The following SND1 variants were observed in gnomAD, a reference collection of about 807,000 sequenced individuals.
SND1 encodes staphylococcal nuclease domain-containing protein 1.
Under a neutral mutation model 121.7 loss-of-function variants are expected in SND1, and 38 were observed. That is an observed-to-expected ratio of 0.31 (90% CI 0.24 to 0.41). The LOEUF (loss-of-function observed/expected upper bound fraction) is 0.41. SND1 is among the 10% of genes least tolerant of loss of function. The pLI is 1.00. For synonymous variants in SND1, 401 were observed against 447.4 expected, an observed-to-expected ratio of 0.90 and a Z score of 1.31; for missense variants, 868 against 1,184.6, an observed-to-expected ratio of 0.73 and a Z score of 3.92.
At chr7:127,684,375 A>C (rs1024072941) in intron 1 of SND1, among the ~76,000 whole-genome samples, 11 of 152,196 alleles carry the variant, frequency 7.2e-5, no homozygotes, top group African/African-American at 2.4e-4. Context: ...TGTGTGCTGT[A>C]TGTAGTTTGG....
intron 12 of SND1, among the ~76,000 whole-genome samples, chr7:127,848,264 C>T (rs918560068): frequency 2.6e-5 from 4 of 152,212 alleles, no homozygotes; most frequent in African/African-American, 9.7e-5. Context: ...TTAGTAAATA[C>T]ACACTCTTTG....
chr7:127,662,115 CA>C (rs769293226), intron 1 of SND1, among the ~76,000 whole-genome samples: 71 of 145,284 alleles, frequency 4.9e-4, no homozygotes, highest in East Asian at 6.0e-4. Context: ...GACACAGTCT[CA>C]AAAAAAAAAA....
intron 1 of SND1, among the ~76,000 whole-genome samples, chr7:127,660,231 TG>T (rs1214226680): frequency 6.6e-6 from 1 of 152,088 alleles, no homozygotes; most frequent in Non-Finnish European, 1.5e-5. Flanking sequence ...ATGGTTCTAG[TG>T]GGTTTTATTC....
At chr7:127,702,700 ATTAT>A (rs1365778235) in intron 6 of SND1, among the ~76,000 whole-genome samples, 174 bp downstream of exon 6, 1 of 152,154 alleles carries the variant, frequency 6.6e-6, no homozygotes, top group African/African-American at 2.4e-5. Context: ...ATTGGATCAA[ATTAT>A]TTATTTATTT....
At chr7:128,055,055 T>C (rs901081004) in intron 16 of SND1, among the ~76,000 whole-genome samples, 6 of 152,194 alleles carry the variant, frequency 3.9e-5, no homozygotes, top group African/African-American at 1.4e-4. Context: ...AATTTCCACA[T>C]CTCCAGGGCA....
Position 127,721,295 on chromosome 7 carries a change from G to C in SND1, c.1047G>C (p.Gln349His), listed in dbSNP as rs1416675834. 1 of 1,613,370 alleles carries C rather than the reference G, an allele frequency of 6.2e-7. No homozygotes were observed. Among genetic ancestry groups the C allele is most frequent in the Non-Finnish European group, 8.5e-7 (1 of 1,179,492 alleles). ...KDKQFVAKVM[Q>H]VLNADAIVVK... ...TTCCTTTTTGCTCACAGGTGATGCA[G>C]GTTCTGAATGCTGATGCCATTGTTG... Residue 349 changes from glutamine (Q) to histidine (H), a missense_variant, in exon 10 of 24, where the codon CAG (glutamine) becomes CAC (histidine). Physicochemically the swap from Gln to His is conservative, Grantham distance 24. This residue lies in a region of SND1 where 743 missense variants were observed against 1,071.3 expected (regional missense o/e 0.69). Coordinates refer to ENST00000354725, the MANE Select transcript of SND1 (RefSeq NM_014390.4).
intron 12 of SND1, among the ~76,000 whole-genome samples, chr7:127,848,448 C>A (rs1799107212): frequency 6.6e-6 from 1 of 152,180 alleles, no homozygotes; most frequent in Non-Finnish European, 1.5e-5. Context: ...GTACCCTATG[C>A]TGAGGACATA....
At chr7:128,050,236 A>G (rs1242213437) in intron 16 of SND1, among the ~76,000 whole-genome samples, 2 of 152,144 alleles carry the variant, frequency 1.3e-5, no homozygotes, top group African/African-American at 4.8e-5. Context: ...GCCTCTATGG[A>G]GGCATTTGCA....
At chr7:127,971,012 A>G (rs1157890509) in intron 15 of SND1, among the ~76,000 whole-genome samples, 1 of 152,326 alleles carries the variant, frequency 6.6e-6, no homozygotes, top group Admixed American at 6.5e-5. Flanking sequence ...GTGGATTGCC[A>G]TCACCTGATC....
At position 127,858,217 on chromosome 7, in the gene SND1, C is replaced by T. The variant is rs1040845601; in HGVS notation, c.1343+13793C>T. 2.0e-5 allele frequency: 16 copies of T among 782,330 alleles called. No homozygotes were observed. The Admixed American group carries it at 2.7e-4, about 13-fold the overall frequency. The allele number at this position is 782,330 out of a possible 1,614,324, so 48.5% of individuals were successfully genotyped here. On this transcript the variant is annotated intron_variant, in intron 12 of 23. Transcript: ENST00000354725. The stretch of plus-strand genomic sequence containing the variant: ...GCATGGCCAACTGTTCCCTCGTTTC[C>T]TGGTACATGCCAAGGTTTCCCTGGG...
intron 10 of SND1, among the ~76,000 whole-genome samples, chr7:127,793,330 G>A (rs992499209): frequency 6.6e-6 from 1 of 152,112 alleles, no homozygotes; most frequent in South Asian, 2.1e-4. Context: ...ATTTCTCTGG[G>A]CACCTAACTT....
intron 1 of SND1, among the ~76,000 whole-genome samples, chr7:127,677,808 A>T (rs948447462): frequency 1.3e-5 from 2 of 152,258 alleles, no homozygotes; most frequent in African/African-American, 4.8e-5. Context: ...AACCATTTTT[A>T]GCTCATGGTC....
At chr7:127,674,489 A>C (rs914301481) in intron 1 of SND1, among the ~76,000 whole-genome samples, 3 of 152,226 alleles carry the variant, frequency 2.0e-5, no homozygotes, top group Admixed American at 6.5e-5. Flanking sequence ...TAGGTAACAA[A>C]TCTGCTCACA....
intron 16 of SND1, among the ~76,000 whole-genome samples, chr7:128,016,522 G>C (rs985781574): frequency 6.6e-6 from 1 of 152,170 alleles, no homozygotes; most frequent in Non-Finnish European, 1.5e-5. Context: ...GCATGGGGCC[G>C]TGTGGGTGGC....
intron 16 of SND1, among the ~76,000 whole-genome samples, chr7:128,026,033 G>C (rs1803468856): frequency 6.6e-6 from 1 of 151,510 alleles, no homozygotes; most frequent in South Asian, 2.1e-4. Context: ...AAAAAAAGAA[G>C]GGTGTTAGGA....
intron 12 of SND1, chr7:127,858,031 A>C: frequency 6.9e-7 from 1 of 1,440,180 alleles, no homozygotes; most frequent in South Asian, 1.1e-5. Flanking sequence ...TTCCCACATC[A>C]CATCCACCAG....
At chr7:127,916,553 A>G (rs915952908) in intron 14 of SND1, among the ~76,000 whole-genome samples, 7 of 152,202 alleles carry the variant, frequency 4.6e-5, no homozygotes, top group African/African-American at 1.4e-4. Context: ...TTAAGAGAGA[A>G]GAGTCCCTAG....
chr7:127,656,263 C>G (rs1795207443), intron 1 of SND1, among the ~76,000 whole-genome samples: 1 of 151,818 alleles, frequency 6.6e-6, no homozygotes, highest in African/African-American at 2.4e-5. Context: ...ACCTATAATT[C>G]AGTTCATTAT....
In SND1 at chr7:128,029,630, G is replaced by A. The variant is rs1026767782; in HGVS notation, c.1779+38574G>A. The A allele has an allele frequency of 6.8e-6, 11 of 1,613,872 alleles. No individual in the cohort carries two copies. In the African/African-American group the frequency reaches 1.1e-4, roughly 16 times the overall value. Reference sequence around the variant, plus strand: ...CCTGGTCCACCTCCACGAGGTAGCGGCCTCGCATGTGCATGGGAGCATGAC... The same window carrying A: ...CCTGGTCCACCTCCACGAGGTAGCGACCTCGCATGTGCATGGGAGCATGAC... On this transcript the variant is annotated intron_variant, in intron 16 of 23. Coordinates refer to ENST00000354725, the MANE Select transcript of SND1 (RefSeq NM_014390.4). The surrounding 1 kb of genome is among the most constrained non-coding windows in gnomAD (Gnocchi z 4.2).
Sources: allele counts gnomAD v4.1 joint callset (sites outside exome capture counted in the v4.1 genomes callset), GRCh38; gene constraint gnomAD v4.1.1; regional missense constraint gnomAD v4.1.1; non-coding constraint Gnocchi (gnomAD v3.1); transcripts MANE v1.5; gene names NCBI Gene and HGNC (gene_info 2026-07-23, HGNC 2026-07-21).